Variants in SNX19 observed in about 807,000 individuals in gnomAD.
SNX19 encodes the protein sorting nexin-19.
In SNX19, 60 loss-of-function variants were observed where a neutral mutation model predicts 85.2. The ratio of observed to expected loss-of-function variants is 0.70; its 90% confidence interval spans 0.57 to 0.87. The LOEUF (loss-of-function observed/expected upper bound fraction) is 0.87. SNX19 is among the 40% of genes least tolerant of loss of function. The probability of loss-of-function intolerance (pLI) is 0.00; values close to 1 mark genes in which losing one functional copy is unlikely to be tolerated. For synonymous variants in SNX19, 520 were observed against 470.0 expected, an observed-to-expected ratio of 1.11 and a Z score of -1.38; for missense variants, 1,201 against 1,217.8, an observed-to-expected ratio of 0.99 and a Z score of 0.21.
rs990800195 is a variant in SNX19, at chr11:130,867,962, G to A, written c.*10460C>T. 12 of 152,112 alleles carry A rather than the reference G, an allele frequency of 7.9e-5. No individual in the cohort carries two copies. The highest frequency in any genetic ancestry group is 7.9e-4 in the Admixed American group (12 of 15,274). The allele number at this position is 152,112 out of a possible 1,614,324, so 9.4% of individuals were successfully genotyped here. A position where few individuals can be genotyped will look rare whatever the true frequency, so the allele number is the denominator to read the frequency against. On this transcript the variant is annotated 3_prime_UTR_variant, in exon 11 of 11. Transcript: ENST00000265909. ...GCCTTTCCTTTGGGTGGCTTTGGGG[G>A]GAGTGAAATTTTTATGAGAACCCAC...
Position 130,910,034 on chromosome 11 carries a change from A to C in SNX19, c.2018T>G (p.Val673Gly). The C allele has an allele frequency of 6.2e-7, 1 of 1,613,602 alleles. No individual in the cohort carries two copies. The stretch of plus-strand genomic sequence containing the variant: ...TGCTGGTACCTTGTCTATTCTAGAG[A>C]CCATAAATGGTTTCTTGACAAAGGC... Reference protein sequence around the residue: ...RIAFVKKPFMVSRIDKMVVSA... With the variant: ...RIAFVKKPFMGSRIDKMVVSA... The change falls in exon 4 of 11, where the codon GTC becomes GGC. Residue 673 changes from valine to glycine, a missense_variant. By Grantham distance (109) the Val-to-Gly change is moderately radical. Around this residue, in one of 3 missense-constraint regions of SNX19, gnomAD observed 125 missense variants for 171.6 expected, o/e 0.73. Coordinates refer to ENST00000265909, the MANE Select transcript of SNX19 (RefSeq NM_014758.3).
Position 130,879,663 on chromosome 11 carries a change from C to A in SNX19, c.2807G>T (p.Gly936Val), listed in dbSNP as rs948335200. The A allele has an allele frequency of 1.2e-6, 2 of 1,613,812 alleles. No homozygotes were observed. Among genetic ancestry groups the A allele is most frequent in the African/African-American group, 2.7e-5 (2 of 74,880 alleles). The change falls in exon 10 of 11, where the codon GGT (glycine) becomes GTT (valine). Residue 936 changes from glycine to valine, a missense_variant. Coordinates refer to ENST00000265909, the MANE Select transcript of SNX19 (RefSeq NM_014758.3). ...LGVNKCRLSW[G>V]LVLESLQQPL... The stretch of plus-strand genomic sequence containing the variant: ...TTGTTGTAGTGACTCCAGGACTAGA[C>A]CCCAGCTCAGCCGGCATTTGTTCAC...
At chr11:130,913,098 G>C (rs1215058126) in intron 1 of SNX19, among the ~76,000 whole-genome samples, 1 of 152,024 alleles carries the variant, frequency 6.6e-6, no homozygotes, top group Non-Finnish European at 1.5e-5. Flanking sequence ...GAGAAAGACT[G>C]GGAACTTAAA....
At chr11:130,895,917 T>C (rs185380706) in intron 8 of SNX19, among the ~76,000 whole-genome samples, 17 of 152,322 alleles carry the variant, frequency 1.1e-4, no homozygotes, top group Admixed American at 2.6e-4. Context: ...GGGAAACTGC[T>C]AGGGCCCATC....
In SNX19 at chr11:130,872,170, AT is replaced by A. The variant is rs1351297845; in HGVS notation, c.*6251del. Among the ~76,000 whole-genome samples the A allele has an allele frequency of 1.3e-5, 2 of 152,198 alleles. No individual in the cohort carries two copies. Among genetic ancestry groups the A allele is most frequent in the African/African-American group, 4.8e-5 (2 of 41,454 alleles). ...TGAAGAGACATCAAAGCCAGGAGTAATTCTCTGCATCCTGTCACATGCTTGT... is the reference window on the plus strand; with the variant it reads ...TGAAGAGACATCAAAGCCAGGAGTAATCTCTGCATCCTGTCACATGCTTGT... On this transcript the variant is annotated 3_prime_UTR_variant, in exon 11 of 11. Coordinates refer to ENST00000265909, the MANE Select transcript of SNX19 (RefSeq NM_014758.3).
intron 5 of SNX19, 86 bp downstream of exon 5, chr11:130,907,867 C>A: frequency 1.3e-6 from 2 of 1,569,884 alleles, no homozygotes; most frequent in South Asian, 2.4e-5. Flanking sequence ...TCCTCTAGGG[C>A]TTGAGAATAG....
At chr11:130,892,454 CT>C (rs1295681107) in intron 8 of SNX19, among the ~76,000 whole-genome samples, 1 of 152,098 alleles carries the variant, frequency 6.6e-6, no homozygotes, top group African/African-American at 2.4e-5. Context: ...TCTAAAAGTG[CT>C]TGTGTGTTTG....
At chr11:130,905,184 G>C (rs945678076) in intron 7 of SNX19, among the ~76,000 whole-genome samples, 2 of 152,102 alleles carry the variant, frequency 1.3e-5, no homozygotes, top group Admixed American at 1.3e-4. Flanking sequence ...TTCTTCTACA[G>C]AGTACACATC....
chr11:130,879,222 A>G (rs116109256), intron 10 of SNX19, among the ~76,000 whole-genome samples: 1,909 of 152,284 alleles, frequency 0.013, 42 homozygotes, highest in African/African-American at 0.044. Context: ...ACATCTTTAC[A>G]TGGTCTGTGA....
rs12363163 is a variant in SNX19 at position 130,874,614 on chromosome 11, A to G, written c.*3808T>C. Among the ~76,000 whole-genome samples, 66,518 of 152,018 alleles carry G rather than the reference A, an allele frequency of 0.44. 14,831 individuals carry two copies. The highest frequency in any genetic ancestry group is 0.57 in the South Asian group (2,731 of 4,828). On this transcript the variant is annotated 3_prime_UTR_variant, in exon 11 of 11. Transcript: ENST00000265909. The stretch of plus-strand genomic sequence containing the variant: ...ATGAAATAAAATAAATTTTCCTCAT[A>G]ATTTAATTCTTGTCCAGAGCATCCT...
intron 1 of SNX19, among the ~76,000 whole-genome samples, chr11:130,913,750 G>A (rs1254598662): frequency 1.3e-5 from 2 of 152,206 alleles, no homozygotes; most frequent in Admixed American, 6.5e-5. Context: ...AAGATAGCAA[G>A]TTTTTGACTC....
At position 130,898,620 on chromosome 11, in the gene SNX19, A is replaced by G. The variant is rs530191216; in HGVS notation, c.2573+4635T>C. ...ATATCATGCCTCTTGTGGGAGATGC[A>G]GGGGGTACAGTGGAGAGGTGCTGCA... On this transcript the variant is annotated intron_variant, in intron 8 of 10. Transcript: ENST00000265909. Among the ~76,000 whole-genome samples the G allele has an allele frequency of 2.5e-3, 378 of 152,274 alleles. 3 individuals are homozygous for G. The highest frequency in any genetic ancestry group is 1.9e-3 in the Non-Finnish European group (128 of 68,010).
intron 8 of SNX19, among the ~76,000 whole-genome samples, chr11:130,888,423 C>T (rs941845475): frequency 1.3e-5 from 2 of 152,080 alleles, no homozygotes; most frequent in Non-Finnish European, 2.9e-5. Context: ...CTCGACTAGC[C>T]ACAAATTACT....
chr11:130,888,006 A>G (rs994893448), intron 8 of SNX19, among the ~76,000 whole-genome samples: 2 of 152,094 alleles, frequency 1.3e-5, no homozygotes, highest in Non-Finnish European at 2.9e-5. Flanking sequence ...ATACAGCCGA[A>G]GATTGTGTTA....
At chr11:130,880,924 G>A in intron 8 of SNX19, 118 bp from the exon 9 acceptor site, 1 of 820,698 alleles carries the variant, frequency 1.2e-6, no homozygotes, top group Non-Finnish European at 1.8e-6. Context: ...AACCCTCAAG[G>A]TGATGGCAGT....
rs1946573743 is a variant in SNX19, at chr11:130,916,193, C to G, written c.-254G>C. On this transcript the variant is annotated 5_prime_UTR_variant, in exon 1 of 11. Transcript: ENST00000265909. ...TGAGGTGTGGCTTTGGAGGAAAACT[C>G]TGTGGCCTTCACACTGCCCCAGGCG... The G allele has an allele frequency of 1.9e-6, 1 of 526,072 alleles. No individual in the cohort carries two copies. Among genetic ancestry groups the G allele is most frequent in the Non-Finnish European group, 3.4e-6 (1 of 293,522 alleles). The allele number at this position is 526,072 out of a possible 1,614,324, so 32.6% of individuals were successfully genotyped here. A position where few individuals can be genotyped will look rare whatever the true frequency, so the allele number is the denominator to read the frequency against.
intron 8 of SNX19, among the ~76,000 whole-genome samples, chr11:130,888,381 T>C (rs1944239829): frequency 6.6e-6 from 1 of 152,200 alleles, no homozygotes; most frequent in Admixed American, 6.5e-5. Context: ...CATCAGTTTA[T>C]GATATTATTT....
At chr11:130,906,483 A>G in intron 6 of SNX19, 142 bp downstream of exon 6, 1 of 683,810 alleles carries the variant, frequency 1.5e-6, no homozygotes. Context: ...AAATACTTTT[A>G]GCATAAAAGC....
chr11:130,867,683 G>A lies in SNX19; in HGVS notation c.*10739C>T, dbSNP rs978807368. 4 of 152,188 alleles carry A rather than the reference G, an allele frequency of 2.6e-5. No individual in the cohort carries two copies. The highest frequency in any genetic ancestry group is 4.8e-5 in the African/African-American group (2 of 41,440). 9.4% of individuals were successfully genotyped at this position (152,188 alleles called of 1,614,324 possible). ...TGGAAGAAAATCTCTACTGAGATGA[G>A]ATGCATTTTTAGGACAAACATGGAG... On this transcript the variant is annotated 3_prime_UTR_variant, in exon 11 of 11. Coordinates refer to ENST00000265909, the MANE Select transcript of SNX19 (RefSeq NM_014758.3).
Sources: allele counts gnomAD v4.1 joint callset (sites outside exome capture counted in the v4.1 genomes callset), GRCh38; gene constraint gnomAD v4.1.1; regional missense constraint gnomAD v4.1.1; transcripts MANE v1.5; gene names NCBI Gene and HGNC (gene_info 2026-07-23, HGNC 2026-07-21).